SSTR3: variants seen among roughly 807,000 people sequenced by gnomAD.
SSTR3 encodes the protein somatostatin receptor type 3.
For missense variants in SSTR3, 504 were observed against 604.7 expected (o/e 0.83, Z 1.75); for synonymous variants, 281 against 269.2 (o/e 1.04, Z -0.43).
chr22:37,216,677 T>C (rs1351096370), upstream of SSTR3, among the ~76,000 whole-genome samples: 2 of 152,244 alleles, frequency 1.3e-5, no homozygotes, highest in African/African-American at 2.4e-5. Flanking sequence ...CGAGATTCTC[T>C]CTCCATTGTT....
At chr22:37,211,011 G>A in intron 1 of SSTR3, 1 of 982,808 alleles carries the variant, frequency 1.0e-6, no homozygotes. Context: ...TTTTTAGAGA[G>A]GAAGAAGTTG....
Position 37,206,652 on chromosome 22 carries a change from C to T in SSTR3, c.1152G>A (p.Gly384=). ...CCACTCTGCTGGGCGGCCGCTCCTG[C>T]CCGCTGGTGCCAGGCTGCGTGATCT... ...VSQITQPGTS[G]QERPPSRVAS... is the part of the protein sequence containing the mutation. Residue 384 remains glycine, a synonymous_variant, in exon 2 of 2, where the codon GGG becomes GGA. Transcript: ENST00000610913. 1 of 1,610,738 alleles carries T rather than the reference C, an allele frequency of 6.2e-7. No individual in the cohort carries two copies. Among genetic ancestry groups the T allele is most frequent in the East Asian group, 2.2e-5 (1 of 44,892 alleles).
At chr22:37,219,408 T>TTGAC in the SSTR3 span, among the ~76,000 whole-genome samples, 1 of 151,884 alleles carries the variant, frequency 6.6e-6, no homozygotes, top group Non-Finnish European at 1.5e-5. Context: ...GGGAACTGTA[T>TTGAC]TGAATTTTGG....
Position 37,212,223 on chromosome 22 carries a change from GAA to G in SSTR3, c.-437_-436del. 3.6e-6 allele frequency: 2 copies of G among 552,228 alleles called. No individual in the cohort carries two copies. Among genetic ancestry groups the G allele is most frequent in the Non-Finnish European group, 4.6e-6 (2 of 432,312 alleles). 34.2% of individuals were successfully genotyped at this position (552,228 alleles called of 1,614,324 possible). A position where few individuals can be genotyped will look rare whatever the true frequency, so the allele number is the denominator to read the frequency against. On this transcript the variant is annotated 5_prime_UTR_variant, in exon 1 of 2. The change creates a premature stop within an existing upstream ORF in the 5' untranslated region. Transcript: ENST00000610913. ...GGAGGTGGAGAAAGAGAGAGAGAGAGAAAGAGGGAGGGGGAGAGAGAGAGAGG... is the reference window on the plus strand; with the variant it reads ...GGAGGTGGAGAAAGAGAGAGAGAGAGAGAGGGAGGGGGAGAGAGAGAGAGG...
chr22:37,212,207 GA>G lies in SSTR3; in HGVS notation c.-420del. 1 of 935,734 alleles carries G rather than the reference GA, an allele frequency of 1.1e-6. No homozygotes were observed. Among genetic ancestry groups the G allele is most frequent in the Non-Finnish European group, 1.3e-6 (1 of 788,520 alleles). The allele number at this position is 935,734 out of a possible 1,614,324, so 58.0% of individuals were successfully genotyped here. On this transcript the variant is annotated 5_prime_UTR_variant, in exon 1 of 2. An upstream open reading frame in the 5' UTR gains an earlier in-frame stop. Transcript: ENST00000610913. ...GGAAAGGGGGTCGGGAGGAGGTGGA[GA>G]AAGAGAGAGAGAGAGAAAGAGGGAG...
At chr22:37,217,635 A>T in the SSTR3 span, among the ~76,000 whole-genome samples, 1 of 151,740 alleles carries the variant, frequency 6.6e-6, no homozygotes, top group East Asian at 1.9e-4. Context: ...TCTTTTTTTA[A>T]ATCAACCTAT....
chr22:37,207,387 C>T lies in SSTR3; in HGVS notation c.417G>A (p.Val139=). 6.2e-7 allele frequency: 1 copy of T among 1,612,524 alleles called. No individual in the cohort carries two copies. The highest frequency in any genetic ancestry group is 8.5e-7 in the Non-Finnish European group (1 of 1,179,242). Residue 139 remains valine (V), a synonymous_variant, in exon 2 of 2, where the codon GTG becomes GTA. Transcript: ENST00000610913. The stretch of plus-strand genomic sequence containing the variant: ...GATGTACCACGGCCAGGTAGCGGTC[C>T]ACGCTCATGACAGTCAGGCAGAATA... The part of the protein sequence containing the change: ...TSIFCLTVMS[V]DRYLAVVHPT...
At chr22:37,214,804 C>T (rs1045872655), upstream of SSTR3, among the ~76,000 whole-genome samples, 6 of 152,172 alleles carry the variant, frequency 3.9e-5, no homozygotes, top group African/African-American at 1.4e-4. Context: ...CAGTCCCGAC[C>T]GCGGCCTAGG....
Position 37,207,086 on chromosome 22 carries a change from C to A in SSTR3, c.718G>T (p.Val240Leu). 6.2e-7 allele frequency: 1 copy of A among 1,612,360 alleles called. No individual in the cohort carries two copies. Among genetic ancestry groups the A allele is most frequent in the Non-Finnish European group, 8.5e-7 (1 of 1,179,580 alleles). The change falls in exon 2 of 2, where the codon GTG becomes TTG. Residue 240 changes from valine (V) to leucine (L), a missense_variant. By Grantham distance (32) the Val-to-Leu change is conservative (BLOSUM62 1). Coordinates refer to ENST00000610913, the MANE Select transcript of SSTR3 (RefSeq NM_001051.5). The stretch of plus-strand genomic sequence containing the variant: ...CGCCGCTGGCACGAGGGTGCCCACA[C>A]CCGGCGCCCAGCTGAGCGCACCTTC... Reference protein sequence around the residue: ...VVKVRSAGRRVWAPSCQRRRR... With the variant: ...VVKVRSAGRRLWAPSCQRRRR...
chr22:37,207,065 G>T lies in SSTR3; in HGVS notation c.739C>A (p.Arg247=). 1 of 1,612,114 alleles carries T rather than the reference G, an allele frequency of 6.2e-7. No homozygotes were observed. The highest frequency in any genetic ancestry group is 8.5e-7 in the Non-Finnish European group (1 of 1,179,426). Residue 247 remains arginine (R), a synonymous_variant, in exon 2 of 2, where the codon CGG becomes AGG. Coordinates refer to ENST00000610913, the MANE Select transcript of SSTR3 (RefSeq NM_001051.5). The part of the protein sequence containing the change: ...GRRVWAPSCQ[R]RRRSERRVTR... ...ACCCTGCGTTCGGAGCGCCGCCGCC[G>T]CTGGCACGAGGGTGCCCACACCCGG...
chr22:37,220,450 G>A, the SSTR3 span, among the ~76,000 whole-genome samples: 1 of 152,222 alleles, frequency 6.6e-6, no homozygotes, highest in Non-Finnish European at 1.5e-5. Flanking sequence ...TACTCAGGAG[G>A]TTGAGGCAGG....
chr22:37,213,270 C>T (rs536368599), upstream of SSTR3, among the ~76,000 whole-genome samples: 1 of 152,322 alleles, frequency 6.6e-6, no homozygotes, highest in South Asian at 2.1e-4. Context: ...GAGCACAGGC[C>T]CAGATGTCTT....
At chr22:37,211,388 G>C (rs1467029972) in intron 1 of SSTR3, among the ~76,000 whole-genome samples, 2 of 152,222 alleles carry the variant, frequency 1.3e-5, no homozygotes, top group African/African-American at 2.4e-5. Flanking sequence ...CCAAATTGCT[G>C]TGTGACCTCG....
rs995767572 is a variant in SSTR3 at position 37,207,593 on chromosome 22, G to T, written c.211C>A (p.Arg71=). The T allele has an allele frequency of 3.7e-6, 6 of 1,611,918 alleles. No homozygotes were observed. The highest frequency in any genetic ancestry group is 2.7e-5 in the African/African-American group (2 of 74,922). Reference sequence around the variant, plus strand: ...GTGACTGAAGGGCTGGCCGTGTGCCGCAGGACCACATAGATGACCAGCGAG... The same window carrying T: ...GTGACTGAAGGGCTGGCCGTGTGCCTCAGGACCACATAGATGACCAGCGAG... The part of the protein sequence containing the change: ...GNSLVIYVVL[R]HTASPSVTNV... Residue 71 remains arginine (R), a synonymous_variant, in exon 2 of 2, where the codon CGG becomes AGG. Coordinates refer to ENST00000610913, the MANE Select transcript of SSTR3 (RefSeq NM_001051.5).
In SSTR3 at chr22:37,206,267, G is replaced by A. The variant is rs368996302; in HGVS notation, c.*280C>T. ...GCCAGTCTGCACCCACCTTTTGCCT[G>A]CTCAGCCAGGTCAGCCCAGCAACAG... On this transcript the variant is annotated 3_prime_UTR_variant, in exon 2 of 2. Transcript: ENST00000610913. 7 of 406,072 alleles carry A rather than the reference G, an allele frequency of 1.7e-5. No homozygotes were observed. In the East Asian group the frequency reaches 2.9e-4, roughly 17 times the overall value. The allele number at this position is 406,072 out of a possible 1,614,324, so 25.2% of individuals were successfully genotyped here.
At chr22:37,210,375 C>T (rs1926118637) in intron 1 of SSTR3, among the ~76,000 whole-genome samples, 2 of 152,256 alleles carry the variant, frequency 1.3e-5, no homozygotes, top group African/African-American at 4.8e-5. Context: ...GCGTGCCTAG[C>T]CAGACCCTCC....
In SSTR3 at chr22:37,207,403, A is replaced by T. The variant is rs774649311; in HGVS notation, c.401T>A (p.Leu134Gln). ...GTAGCGGTCCACGCTCATGACAGTC[A>T]GGCAGAATATGCTGGTGAACTGGTT... The part of the protein sequence containing the change: ...GINQFTSIFC[L>Q]TVMSVDRYLA... Residue 134 changes from leucine to glutamine, a missense_variant, in exon 2 of 2, where the codon CTG (leucine) becomes CAG (glutamine). Coordinates refer to ENST00000610913, the MANE Select transcript of SSTR3 (RefSeq NM_001051.5). 6.2e-7 allele frequency: 1 copy of T among 1,613,134 alleles called. No homozygotes were observed. Among genetic ancestry groups the T allele is most frequent in the Non-Finnish European group, 8.5e-7 (1 of 1,179,606 alleles).
chr22:37,215,805 T>G (rs1033904785), upstream of SSTR3: 7 of 287,276 alleles, frequency 2.4e-5, no homozygotes, highest in African/African-American at 1.6e-4. Context: ...TTACCAGTTT[T>G]CATACAGATC....
At position 37,204,287 on chromosome 22, in the gene SSTR3, G is replaced by T. The variant is rs1482289651; in HGVS notation, c.*2260C>A. On this transcript the variant is annotated 3_prime_UTR_variant, in exon 2 of 2. Transcript: ENST00000610913. ...AGAGCTAGAGACAGAAGCAGCAAAGGGTTTCCTAACTGGCCTCCCAGGGAC... is the reference window on the plus strand; with the variant it reads ...AGAGCTAGAGACAGAAGCAGCAAAGTGTTTCCTAACTGGCCTCCCAGGGAC... 4 of 152,226 alleles carry T rather than the reference G, an allele frequency of 2.6e-5. No individual in the cohort carries two copies. The highest frequency in any genetic ancestry group is 5.9e-5 in the Non-Finnish European group (4 of 68,088). The allele number at this position is 152,226 out of a possible 1,614,324, so 9.4% of individuals were successfully genotyped here. A position where few individuals can be genotyped will look rare whatever the true frequency, so the allele number is the denominator to read the frequency against.
Sources: gnomAD v4.1 joint callset for allele counts (sites outside exome capture counted in the v4.1 genomes callset) on GRCh38, gnomAD v4.1.1 for gene constraint, MANE v1.5 for transcripts, NCBI Gene and HGNC (gene_info 2026-07-23, HGNC 2026-07-21) for gene names.